Variants in CSMD2 observed in about 807,000 individuals in gnomAD.
CSMD2 encodes CUB and Sushi multiple domains 2.
CSMD2 carries 130 observed loss-of-function variants against 398.5 expected under a neutral mutation model. That is an observed-to-expected ratio of 0.33 (90% confidence interval 0.28 to 0.38). The LOEUF (loss-of-function observed/expected upper bound fraction) is 0.38, where lower values mean the gene tolerates loss of function less well. Ranked by LOEUF, CSMD2 falls within the 10% of genes least tolerant of loss-of-function variation. The pLI, the probability that CSMD2 is intolerant of heterozygous loss-of-function variation, is 1.00. For synonymous variants in CSMD2, 1,828 were observed against 1,908.5 expected, an observed-to-expected ratio of 0.96 and a Z score of 1.10; for missense variants, 3,829 against 4,764.9, an observed-to-expected ratio of 0.80 and a Z score of 5.78.
chr1:34,137,706 T>G (rs114229714), intron 1 of CSMD2, among the ~76,000 whole-genome samples: 6,170 of 152,262 alleles, frequency 0.041, 360 homozygotes, highest in African/African-American at 0.13. Context: ...GACTGAAGAC[T>G]GTGCTTTCCA....
chr1:33,552,242 T>C (rs1451391690), intron 55 of CSMD2, among the ~76,000 whole-genome samples: 1 of 152,198 alleles, frequency 6.6e-6, no homozygotes, highest in Non-Finnish European at 1.5e-5. Flanking sequence ...ATAATAAAAA[T>C]GATGAACAAT....
intron 4 of CSMD2, among the ~76,000 whole-genome samples, chr1:33,929,432 C>CTTTTTT (rs936900076): frequency 0.073 from 7,337 of 100,330 alleles, 904 homozygotes; most frequent in African/African-American, 0.1. Context: ...CAAGCCTATA[C>CTTTTTT]TTTTTTTTTT....
At chr1:33,581,529 CAAAAAAAAAAAAA>C (rs59068586) in intron 47 of CSMD2, among the ~76,000 whole-genome samples, 1 of 36,876 alleles carries the variant, frequency 2.7e-5, no homozygotes, top group Non-Finnish European at 4.9e-5. Flanking sequence ...GACTCAGTCT[CAAAAAAAAAAAAA>C]AAAAAAAAAA....
chr1:33,997,175 G>A (rs989791415), intron 3 of CSMD2, among the ~76,000 whole-genome samples: 12 of 152,148 alleles, frequency 7.9e-5, no homozygotes, highest in Non-Finnish European at 5.9e-5. Flanking sequence ...CCTGCTCATC[G>A]ATGCCTTGGA....
Position 33,559,431 on chromosome 1 carries a change from G to T in CSMD2, c.8423C>A (p.Thr2808Asn), listed in dbSNP as rs766390946. ...GTTGAGGTTAAACTGGTTACCCTGA[G>T]TGAGGCCGTTGACAGGGTTGCCTGG... ...GHPGNPVNGL[T>N]QGNQFNLNDV... Residue 2808 changes from threonine to asparagine, a missense_variant, in exon 54 of 71, where the codon ACT becomes AAT. Thr to Asn is a moderately conservative substitution (Grantham distance 65). Coordinates refer to ENST00000373381, the MANE Select transcript of CSMD2 (RefSeq NM_001281956.2). The surrounding 1 kb of genome is among the most constrained non-coding windows in gnomAD (Gnocchi z 4.0). 19 of 1,536,084 alleles carry T rather than the reference G, an allele frequency of 1.2e-5. No homozygotes were observed. Among genetic ancestry groups the T allele is most frequent in the Non-Finnish European group, 1.5e-5 (17 of 1,146,912 alleles).
intron 42 of CSMD2, 126 bp from the exon 43 acceptor site, chr1:33,602,672 G>A (rs748594803): frequency 1.4e-4 from 108 of 797,496 alleles, no homozygotes; most frequent in Non-Finnish European, 1.8e-4. Flanking sequence ...GGTGGGATGC[G>A]GAAGGGGAGG....
At chr1:34,138,681 A>G (rs577773844) in intron 1 of CSMD2, among the ~76,000 whole-genome samples, 1 of 152,300 alleles carries the variant, frequency 6.6e-6, no homozygotes, top group East Asian at 1.9e-4. Context: ...GTCCAAATAT[A>G]TGAATATTTT....
intron 3 of CSMD2, among the ~76,000 whole-genome samples, chr1:34,010,821 T>C (rs150605042): frequency 4.4e-4 from 67 of 152,220 alleles, no homozygotes; most frequent in African/African-American, 1.6e-3. Flanking sequence ...GGTTTCACCG[T>C]GTTAGCCTCG....
intron 1 of CSMD2, among the ~76,000 whole-genome samples, chr1:34,115,900 T>C (rs1279302571): frequency 2.6e-5 from 4 of 151,944 alleles, no homozygotes; most frequent in Non-Finnish European, 5.9e-5. Context: ...ATTATAATTA[T>C]AAAATATTTT....
In CSMD2 at chr1:33,533,504, T is replaced by A. The variant is rs1159590887; in HGVS notation, c.9992-275A>T. Among the ~76,000 whole-genome samples, 1 of 152,126 alleles carries A rather than the reference T, an allele frequency of 6.6e-6. No individual in the cohort carries two copies. Among genetic ancestry groups the A allele is most frequent in the East Asian group, 1.9e-4 (1 of 5,188 alleles). Reference sequence around the variant, plus strand: ...CCTGAGGGGTAAAGGAGTAACTGGGTCAAAAGCTTGATATCTCCATCCTGA... The same window carrying A: ...CCTGAGGGGTAAAGGAGTAACTGGGACAAAAGCTTGATATCTCCATCCTGA... On this transcript the variant is annotated intron_variant, in intron 63 of 70. Transcript: ENST00000373381. This position sits in a 1 kb window ranked among gnomAD's most constrained non-coding sequence, Gnocchi z 4.2.
chr1:33,694,240 G>C (rs1322071090), intron 24 of CSMD2, among the ~76,000 whole-genome samples: 1 of 152,204 alleles, frequency 6.6e-6, no homozygotes, highest in African/African-American at 2.4e-5. Context: ...GTGGTTGCCA[G>C]GGCCTGGGGA....
chr1:33,819,744 C>T lies in CSMD2; in HGVS notation c.1293G>A (p.Ala431=), dbSNP rs769130474. 3.7e-5 allele frequency: 60 copies of T among 1,613,782 alleles called. No homozygotes were observed. In the South Asian group the frequency reaches 4.0e-4, roughly 11 times the overall value. The part of the protein sequence containing the change: ...ITCMKVSDMF[A]AWSDHRPVCR... ...AGACTGGCCTGTGGTCGCTCCAGGCCGCAAACATGTCGCTCACTTTCATAC... is the reference window on the plus strand; with the variant it reads ...AGACTGGCCTGTGGTCGCTCCAGGCTGCAAACATGTCGCTCACTTTCATAC... The change falls in exon 9 of 71, where the codon GCG becomes GCA. Residue 431 remains alanine, a synonymous_variant. Coordinates refer to ENST00000373381, the MANE Select transcript of CSMD2 (RefSeq NM_001281956.2).
chr1:33,825,609 G>T, intron 7 of CSMD2, 88 bp downstream of exon 7: 1 of 1,147,024 alleles, frequency 8.7e-7, no homozygotes, highest in Non-Finnish European at 1.3e-6. Flanking sequence ...AGTCATTCCA[G>T]CATCATCTGG....
intron 12 of CSMD2, among the ~76,000 whole-genome samples, chr1:33,783,203 G>A (rs1169202140): frequency 6.6e-6 from 1 of 152,146 alleles, no homozygotes; most frequent in Admixed American, 6.5e-5. Flanking sequence ...GGTCACAGGT[G>A]TGGGGGCAGA....
intron 44 of CSMD2, chr1:33,599,933 TAGCAGATACTGC>T (rs1267466943): frequency 1.0e-5 from 6 of 579,800 alleles, no homozygotes; most frequent in South Asian, 4.6e-5. Flanking sequence ...GCAGATACTG[TAGCAGATACTGC>T]AGCAGATACT....
At position 33,616,750 on chromosome 1, in the gene CSMD2, G is replaced by A. The variant is rs147184626; in HGVS notation, c.6016+156C>T. On this transcript the variant is annotated intron_variant, in intron 39 of 70. Coordinates refer to ENST00000373381, the MANE Select transcript of CSMD2 (RefSeq NM_001281956.2). ...ATGACTGCATTAAATGGGAGTTAGA[G>A]ATTATAAAAACATCAGTTTAAAATG... 2.3e-3 allele frequency among the ~76,000 whole-genome samples: 348 copies of A among 152,340 alleles called. 1 individual carries two copies. Among genetic ancestry groups the A allele is most frequent in the African/African-American group, 7.7e-3 (321 of 41,578 alleles).
intron 10 of CSMD2, among the ~76,000 whole-genome samples, chr1:33,800,695 C>T: frequency 6.6e-6 from 1 of 152,138 alleles, no homozygotes; most frequent in African/African-American, 2.4e-5. Flanking sequence ...AAAATCCTGG[C>T]TAGCAAGCGG....
chr1:33,929,432 C>CTTTTTTTTTTTTTTTTTTT lies in CSMD2; in HGVS notation c.712+6309_712+6327dup, dbSNP rs936900076. On this transcript the variant is annotated intron_variant, in intron 4 of 70. Coordinates refer to ENST00000373381, the MANE Select transcript of CSMD2 (RefSeq NM_001281956.2). The stretch of plus-strand genomic sequence containing the variant: ...TCCTGAACTCAGAACCAAGCCTATA[C>CTTTTTTTTTTTTTTTTTTT]TTTTTTTTTTTTTTTTTTTTTTTGA... Among the ~76,000 whole-genome samples, 22 of 100,664 alleles carry CTTTTTTTTTTTTTTTTTTT rather than the reference C, an allele frequency of 2.2e-4. 5 individuals are homozygous for CTTTTTTTTTTTTTTTTTTT. Among genetic ancestry groups the CTTTTTTTTTTTTTTTTTTT allele is most frequent in the African/African-American group, 8.4e-4 (19 of 22,550 alleles). The allele number at this position is 100,664 out of a possible 152,430, so 66.0% of individuals were successfully genotyped here. A position where few individuals can be genotyped will look rare whatever the true frequency, so the allele number is the denominator to read the frequency against.
At chr1:33,754,737 T>A (rs530927720) in intron 13 of CSMD2, among the ~76,000 whole-genome samples, 1 of 152,228 alleles carries the variant, frequency 6.6e-6, no homozygotes, top group Non-Finnish European at 1.5e-5. Flanking sequence ...AATGGAGTTA[T>A]GCTAAAAATT....
Sources: gnomAD v4.1 joint callset for allele counts (sites outside exome capture counted in the v4.1 genomes callset) on GRCh38, gnomAD v4.1.1 for gene constraint, Gnocchi (gnomAD v3.1) non-coding constraint, MANE v1.5 for transcripts, NCBI Gene and HGNC (gene_info 2026-07-23, HGNC 2026-07-21) for gene names.